Variants in JAK2 observed in about 807,000 individuals in gnomAD.
JAK2 encodes Janus kinase 2, also known as tyrosine-protein kinase JAK2.
A neutral mutation model predicts 139.3 loss-of-function variants in JAK2; 86 were observed. The observed-to-expected ratio is 0.62, with a 90% confidence interval of 0.52 to 0.74. The LOEUF (loss-of-function observed/expected upper bound fraction) is 0.74, where lower values mean the gene tolerates loss of function less well. Among genes scored for constraint, JAK2 ranks in the 30% least tolerant of loss-of-function variants. The pLI, the probability that JAK2 is intolerant of heterozygous loss-of-function variation, is 0.00. For missense variants in JAK2, 1,421 were observed against 1,360.3 expected, an observed-to-expected ratio of 1.04 and a Z score of -0.70; for synonymous variants, 490 against 437.7, an observed-to-expected ratio of 1.12 and a Z score of -1.49.
At position 5,054,117 on chromosome 9, in the gene JAK2, T is replaced by C. The variant is rs1229962669; in HGVS notation, c.615-446T>C. Among the ~76,000 whole-genome samples, 2 of 152,014 alleles carry C rather than the reference T, an allele frequency of 1.3e-5. No individual in the cohort carries two copies. The highest frequency in any genetic ancestry group is 2.9e-5 in the Non-Finnish European group (2 of 67,898). On this transcript the variant is annotated intron_variant, in intron 6 of 24. Coordinates refer to ENST00000381652, the MANE Select transcript of JAK2 (RefSeq NM_004972.4). This position sits in a 1 kb window ranked among gnomAD's most constrained non-coding sequence, Gnocchi z 4.9. ...CAGAAGTATGTTTGCATAATGAAAATGGCTTCCAACAAAATGTAACAATTT... is the reference window on the plus strand; with the variant it reads ...CAGAAGTATGTTTGCATAATGAAAACGGCTTCCAACAAAATGTAACAATTT...
At chr9:5,092,981 A>G (rs899083789) in intron 22 of JAK2, among the ~76,000 whole-genome samples, 10 of 152,228 alleles carry the variant, frequency 6.6e-5, no homozygotes, top group African/African-American at 1.9e-4. Flanking sequence ...GCAGCCAACA[A>G]TTAAGAAAGT....
At chr9:5,034,775 A>C (rs1465984288) in intron 4 of JAK2, among the ~76,000 whole-genome samples, 1 of 152,194 alleles carries the variant, frequency 6.6e-6, no homozygotes, top group African/African-American at 2.4e-5. Context: ...AAAGGCCCAC[A>C]AGAGAAAGCA....
chr9:5,073,889 T>C (rs949291104), intron 14 of JAK2, 104 bp downstream of exon 14: 1 of 716,812 alleles, frequency 1.4e-6, no homozygotes, highest in Non-Finnish European at 2.4e-6. Flanking sequence ...GTGTAAACTA[T>C]AATTTAACAG....
intron 9 of JAK2, among the ~76,000 whole-genome samples, chr9:5,066,310 A>G (rs1818565474): frequency 6.6e-6 from 1 of 152,256 alleles, no homozygotes; most frequent in Non-Finnish European, 1.5e-5. Context: ...TAGTAGAGAT[A>G]TAAGTATTTT....
At position 5,126,352 on chromosome 9, in the gene JAK2, G is replaced by C. The variant is rs139127951; in HGVS notation, c.3197G>C (p.Gly1066Ala). The C allele has an allele frequency of 1.2e-6, 2 of 1,606,824 alleles. No individual in the cohort carries two copies. Among genetic ancestry groups the C allele is most frequent in the Admixed American group, 3.4e-5 (2 of 59,206 alleles). Residue 1066 changes from glycine to alanine, a missense_variant, in exon 24 of 25, where the codon GGC (glycine) becomes GCC (alanine). By Grantham distance (60) the Gly-to-Ala change is moderately conservative. Coordinates refer to ENST00000381652, the MANE Select transcript of JAK2 (RefSeq NM_004972.4). ...TTTTAGGAATTTATGCGTATGATTG[G>C]CAATGACAAACAAGGACAGATGATC... ...SPPAEFMRMI[G>A]NDKQGQMIVF...
intron 10 of JAK2, among the ~76,000 whole-genome samples, chr9:5,068,496 GATGA>G: frequency 6.6e-6 from 1 of 152,186 alleles, no homozygotes; most frequent in Non-Finnish European, 1.5e-5. Context: ...ACTGAGTTTT[GATGA>G]ATGAATAAAG....
intron 4 of JAK2, among the ~76,000 whole-genome samples, chr9:5,033,036 C>A (rs1168592977): frequency 6.6e-6 from 1 of 152,094 alleles, no homozygotes; most frequent in African/African-American, 2.4e-5. Flanking sequence ...ATAACCAATG[C>A]AGAGAAGTCC....
intron 22 of JAK2, chr9:5,114,424 C>G (rs1822951792): frequency 4.0e-6 from 2 of 494,254 alleles, no homozygotes; most frequent in Non-Finnish European, 8.0e-6. Context: ...AAGGGGGAGA[C>G]CTACCAGTGC....
intron 19 of JAK2, among the ~76,000 whole-genome samples, chr9:5,088,238 T>TG (rs1820285493): frequency 1.3e-5 from 2 of 152,288 alleles, no homozygotes; most frequent in South Asian, 4.1e-4. Context: ...TTGAGAGTCC[T>TG]GGGTCTATCC....
Position 5,054,744 on chromosome 9 carries a change from T to C in JAK2, c.796T>C (p.Tyr266His), listed in dbSNP as rs772912280. The change falls in exon 7 of 25, where the codon TAC becomes CAC. Residue 266 changes from tyrosine to histidine, a missense_variant. Coordinates refer to ENST00000381652, the MANE Select transcript of JAK2 (RefSeq NM_004972.4). The surrounding 1 kb of genome is among the most constrained non-coding windows in gnomAD (Gnocchi z 4.9). ...INLETLQSAF[Y>H]TEKFEVKEPG... is the part of the protein sequence containing the mutation. ...TCTGGAAACTCTGCAGTCTGCCTTC[T>C]ACACAGAGAAATTTGAAGTAAAAGA... 6.2e-7 allele frequency: 1 copy of C among 1,613,360 alleles called. No individual in the cohort carries two copies. Among genetic ancestry groups the C allele is most frequent in the Non-Finnish European group, 8.5e-7 (1 of 1,179,454 alleles).
intron 2 of JAK2, among the ~76,000 whole-genome samples, chr9:5,003,776 C>T (rs546784595): frequency 2.0e-4 from 31 of 152,080 alleles, no homozygotes; most frequent in African/African-American, 4.6e-4. Flanking sequence ...ATGATTGTTA[C>T]GTTTTTGAAC....
At chr9:5,002,063 C>T (rs891431150) in intron 2 of JAK2, among the ~76,000 whole-genome samples, 1 of 151,618 alleles carries the variant, frequency 6.6e-6, no homozygotes, top group Non-Finnish European at 1.5e-5. Flanking sequence ...AATATGTGTT[C>T]TTTTCTGTTT....
At chr9:5,019,920 G>T (rs746055751) in intron 2 of JAK2, among the ~76,000 whole-genome samples, 2 of 152,226 alleles carry the variant, frequency 1.3e-5, no homozygotes, top group Non-Finnish European at 1.5e-5. Flanking sequence ...GTCCTCAGTT[G>T]TGGCAGCAGT....
chr9:5,008,018 C>A (rs993592251), intron 2 of JAK2, among the ~76,000 whole-genome samples: 1 of 152,086 alleles, frequency 6.6e-6, no homozygotes, highest in African/African-American at 2.4e-5. Context: ...CATGAGCCAC[C>A]GCGCCTGGCC....
chr9:5,081,776 C>A lies in JAK2; in HGVS notation c.2486C>A (p.Ala829Asp), dbSNP rs780436609. 3.1e-6 allele frequency: 5 copies of A among 1,604,984 alleles called. No homozygotes were observed. The highest frequency in any genetic ancestry group is 4.3e-6 in the Non-Finnish European group (5 of 1,171,816). ...NDMLPNMRIG[A>D]LGFSGAFEDR... Reference sequence around the variant, plus strand: ...ATGTTACCAAATATGAGGATAGGTGCCCTGGGGTTTTCTGGTGCCTTTGAA... The same window carrying A: ...ATGTTACCAAATATGAGGATAGGTGACCTGGGGTTTTCTGGTGCCTTTGAA... Residue 829 changes from alanine to aspartate, a missense_variant, in exon 19 of 25, where the codon GCC becomes GAC. By Grantham distance (126) the Ala-to-Asp change is moderately radical. Transcript: ENST00000381652.
intron 2 of JAK2, among the ~76,000 whole-genome samples, chr9:5,007,976 G>A (rs1040233959): frequency 5.3e-5 from 8 of 151,796 alleles, no homozygotes; most frequent in African/African-American, 1.2e-4. Flanking sequence ...TGATCCCCCC[G>A]CCTCGGCCTC....
intron 10 of JAK2, among the ~76,000 whole-genome samples, chr9:5,067,125 T>C (rs1818624809): frequency 6.6e-6 from 1 of 152,198 alleles, no homozygotes. Flanking sequence ...TGCCACATCA[T>C]GTAGAACAAA....
chr9:5,111,298 T>C (rs560147093), intron 22 of JAK2: 94 of 473,434 alleles, frequency 2.0e-4, no homozygotes, highest in African/African-American at 1.6e-3. Context: ...CCGGGCAAGC[T>C]GGCCCTCAGC....
intron 5 of JAK2, among the ~76,000 whole-genome samples, chr9:5,045,903 C>G (rs779021728): frequency 6.6e-6 from 1 of 151,938 alleles, no homozygotes; most frequent in Non-Finnish European, 1.5e-5. Flanking sequence ...CAATATATAC[C>G]CAGAAATGGA....
Sources: gnomAD v4.1 joint callset for allele counts (sites outside exome capture counted in the v4.1 genomes callset) on GRCh38, gnomAD v4.1.1 for gene constraint, Gnocchi (gnomAD v3.1) non-coding constraint, MANE v1.5 for transcripts, NCBI Gene and HGNC (gene_info 2026-07-23, HGNC 2026-07-21) for gene names.